The following ACTR3B variants were observed in gnomAD, a reference collection of about 807,000 sequenced individuals.
ACTR3B encodes the protein actin related protein 3B, also known as actin-related protein 3B.
ACTR3B carries 8 observed loss-of-function variants against 59.0 expected under a neutral mutation model. The ratio of observed to expected loss-of-function variants is 0.14; its 90% CI spans 0.08 to 0.24. The LOEUF is 0.24. ACTR3B is among the 10% of genes least tolerant of loss of function. The probability of loss-of-function intolerance (pLI) is 1.00; values close to 1 mark genes in which losing one functional copy is unlikely to be tolerated. For missense variants in ACTR3B, 245 were observed against 552.3 expected, an observed-to-expected ratio of 0.44 and a Z score of 5.58; for synonymous variants, 148 against 197.9, an observed-to-expected ratio of 0.75 and a Z score of 2.12.
At chr7:152,778,240 T>C (rs1429487947) in intron 1 of ACTR3B, among the ~76,000 whole-genome samples, 2 of 151,304 alleles carry the variant, frequency 1.3e-5, no homozygotes, top group African/African-American at 4.8e-5. Context: ...TTTTTTTTTT[T>C]TTTTACTACT....
At chr7:152,836,742 A>AC (rs1563146162) in intron 9 of ACTR3B, among the ~76,000 whole-genome samples, 1 of 152,186 alleles carries the variant, frequency 6.6e-6, no homozygotes, top group Non-Finnish European at 1.5e-5. Context: ...TTTCTTTCAG[A>AC]CTGCTGTGTG....
In ACTR3B at chr7:152,854,571, C is replaced by T. The variant is rs377688816; in HGVS notation, c.*18C>T. 3.8e-4 allele frequency: 613 copies of T among 1,610,932 alleles called. 1 individual carries two copies. The highest frequency in any genetic ancestry group is 4.7e-4 in the Non-Finnish European group (548 of 1,177,644). ...TGTCCTAGTGTCTGCCTGAACGCGT[C>T]GTTCGATGGTGTCACGTTGGGGAAC... is the stretch of plus-strand genomic sequence containing the variant. On this transcript the variant is annotated 3_prime_UTR_variant, in exon 12 of 12. Transcript: ENST00000256001. The surrounding 1 kb of genome is among the most constrained non-coding windows in gnomAD (Gnocchi z 4.9).
intron 4 of ACTR3B, chr7:152,813,773 C>A (rs1366734616): frequency 7.0e-6 from 1 of 142,764 alleles, no homozygotes; most frequent in Non-Finnish European, 1.5e-5. Context: ...AAGTGATCCT[C>A]CCTCCTCAGC....
intron 2 of ACTR3B, among the ~76,000 whole-genome samples, chr7:152,789,948 C>T (rs2098189362): frequency 7.1e-6 from 1 of 141,354 alleles, no homozygotes; most frequent in Non-Finnish European, 1.5e-5. Context: ...TTAGTCAAAG[C>T]TTTTCTGTTA....
At chr7:152,797,691 G>A (rs1408643729) in intron 2 of ACTR3B, among the ~76,000 whole-genome samples, 2 of 151,732 alleles carry the variant, frequency 1.3e-5, no homozygotes, top group African/African-American at 4.8e-5. Flanking sequence ...TCCCATCCCC[G>A]AACAGCCTCA....
chr7:152,775,816 T>A (rs1164412882), intron 1 of ACTR3B, among the ~76,000 whole-genome samples: 1 of 151,864 alleles, frequency 6.6e-6, no homozygotes, highest in East Asian at 1.9e-4. Flanking sequence ...GAGAGAAGCA[T>A]TGGAAAGATA....
chr7:152,772,805 A>G (rs2116542174), intron 1 of ACTR3B, among the ~76,000 whole-genome samples: 1 of 150,062 alleles, frequency 6.7e-6, no homozygotes, highest in East Asian at 1.9e-4. Flanking sequence ...AGAAGGCAAA[A>G]ACAATTGAAT....
At position 152,853,559 on chromosome 7, in the gene ACTR3B, C is replaced by A. The variant is rs1405277695; in HGVS notation, c.1143C>A (p.Gly381=). 1 of 1,613,856 alleles carries A rather than the reference C, an allele frequency of 6.2e-7. No individual in the cohort carries two copies. Among genetic ancestry groups the A allele is most frequent in the South Asian group, 1.1e-5 (1 of 91,004 alleles). The change falls in exon 11 of 12, where the codon GGC becomes GGA. Residue 381 remains glycine, a synonymous_variant. Coordinates refer to ENST00000256001, the MANE Select transcript of ACTR3B (RefSeq NM_020445.6). ...AGCGCTACGCCGTGTGGTTCGGAGG[C>A]TCCATGCTGGCCTCGACTGTAAGTC... ...HMQRYAVWFG[G]SMLASTPEFF...
At position 152,771,136 on chromosome 7, in the gene ACTR3B, G is replaced by A. The variant is rs1426913066; in HGVS notation, c.44+11210G>A. ...CTGCTACCATGCCTGGCTAATTTTT[G>A]TATTTTTAGTAGAGATGGGGTTTCA... is the stretch of plus-strand genomic sequence containing the variant. On this transcript the variant is annotated intron_variant, in intron 1 of 11. Coordinates refer to ENST00000256001, the MANE Select transcript of ACTR3B (RefSeq NM_020445.6). Among the ~76,000 whole-genome samples, 7 of 151,688 alleles carry A rather than the reference G, an allele frequency of 4.6e-5. No individual in the cohort carries two copies. In the East Asian group the frequency reaches 1.4e-3, roughly 29 times the overall value.
In ACTR3B at chr7:152,854,546, T is replaced by C; in HGVS notation, c.1250T>C (p.Met417Thr). The change falls in exon 12 of 12, where the codon ATG (methionine) becomes ACG (threonine). Residue 417 changes from methionine to threonine, a missense_variant. Transcript: ENST00000256001. The surrounding 1 kb of genome is among the most constrained non-coding windows in gnomAD (Gnocchi z 4.9). Reference protein sequence around the residue: ...ICRHNPVFGVMS With the variant: ...ICRHNPVFGVTS ...CGCCACAACCCCGTCTTTGGAGTCATGTCCTAGTGTCTGCCTGAACGCGTC... is the reference window on the plus strand; with the variant it reads ...CGCCACAACCCCGTCTTTGGAGTCACGTCCTAGTGTCTGCCTGAACGCGTC... 1 of 1,614,050 alleles carries C rather than the reference T, an allele frequency of 6.2e-7. No homozygotes were observed.
At chr7:152,770,393 A>G (rs1053919686) in intron 1 of ACTR3B, among the ~76,000 whole-genome samples, 1 of 152,092 alleles carries the variant, frequency 6.6e-6, no homozygotes, top group African/African-American at 2.4e-5. Context: ...TGAATAGACC[A>G]TTGCCAAAGA....
At chr7:152,853,341 G>A (rs1485646432) in intron 10 of ACTR3B, among the ~76,000 whole-genome samples, 153 bp from the exon 11 acceptor site, 1 of 152,060 alleles carries the variant, frequency 6.6e-6, no homozygotes, top group Non-Finnish European at 1.5e-5. Context: ...TTGGCAGCAG[G>A]GGCGGAGAGT....
At chr7:152,829,348 C>T (rs930469631) in intron 9 of ACTR3B, among the ~76,000 whole-genome samples, 19 of 152,184 alleles carry the variant, frequency 1.2e-4, no homozygotes, top group African/African-American at 4.3e-4. Context: ...CTTTGACTAA[C>T]ATCTCCCCAC....
intron 1 of ACTR3B, among the ~76,000 whole-genome samples, chr7:152,763,569 A>G (rs966781785): frequency 3.3e-5 from 5 of 151,836 alleles, no homozygotes; most frequent in Non-Finnish European, 7.4e-5. Context: ...GATTACAGGC[A>G]TGAGCCACCA....
At chr7:152,809,152 C>G (rs1251648980) in intron 4 of ACTR3B, among the ~76,000 whole-genome samples, 1 of 150,858 alleles carries the variant, frequency 6.6e-6, no homozygotes, top group African/African-American at 2.5e-5. Flanking sequence ...CTATTTGCAG[C>G]CTGTGTTTGA....
intron 6 of ACTR3B, among the ~76,000 whole-genome samples, chr7:152,818,483 T>C (rs1795886579): frequency 6.6e-6 from 1 of 152,026 alleles, no homozygotes; most frequent in South Asian, 2.1e-4. Flanking sequence ...GGAGTTTCAC[T>C]CTTGTTGTCC....
chr7:152,837,193 C>G (rs1797531798), intron 9 of ACTR3B, among the ~76,000 whole-genome samples: 1 of 151,810 alleles, frequency 6.6e-6, no homozygotes. Context: ...AACAAACAAA[C>G]CAAAAAAACA....
At chr7:152,843,385 G>T (rs1798020540) in intron 9 of ACTR3B, among the ~76,000 whole-genome samples, 1 of 152,170 alleles carries the variant, frequency 6.6e-6, no homozygotes. Context: ...GTAAATAAAT[G>T]TTCATCCTCT....
At chr7:152,825,732 C>G (rs927926017) in intron 9 of ACTR3B, among the ~76,000 whole-genome samples, 3 of 152,194 alleles carry the variant, frequency 2.0e-5, no homozygotes, top group Non-Finnish European at 2.9e-5. Context: ...TGCCCTCCCC[C>G]ATGCTTTCCG....
Sources: allele counts gnomAD v4.1 joint callset (sites outside exome capture counted in the v4.1 genomes callset), GRCh38; gene constraint gnomAD v4.1.1; non-coding constraint Gnocchi (gnomAD v3.1); transcripts MANE v1.5; gene names NCBI Gene and HGNC (gene_info 2026-07-23, HGNC 2026-07-21).